VAMP5: variants seen among roughly 807,000 people sequenced by gnomAD.
VAMP5 encodes vesicle associated membrane protein 5.
Under a neutral mutation model 8.1 loss-of-function variants are expected in VAMP5, and 10 were observed. That is an observed-to-expected ratio of 1.23 (90% CI 0.76 to 2.09). The LOEUF (loss-of-function observed/expected upper bound fraction) is 2.09. Ranked by LOEUF, VAMP5 falls within the 30% of genes most tolerant of loss-of-function variation. The pLI is 0.00. For synonymous variants in VAMP5, 62 were observed against 60.6 expected (o/e 1.02, Z -0.11); for missense variants, 135 against 152.5 (o/e 0.89, Z 0.60).
At chr2:85,592,816 A>AAAAAAAAAAAAAAAAT in intron 2 of VAMP5, 132 bp from the exon 3 acceptor site, 1 of 810,776 alleles carries the variant, frequency 1.2e-6, no homozygotes, top group Non-Finnish European at 1.9e-6. Context: ...AAAAAAAAAA[A>AAAAAAAAAAAAAAAAT]GAAAGAAAGT....
chr2:85,591,978 T>C (rs1482983777), intron 2 of VAMP5, 116 bp downstream of exon 2: 1 of 1,459,068 alleles, frequency 6.9e-7, no homozygotes, highest in Non-Finnish European at 9.3e-7. Context: ...AGGGCCAGTG[T>C]GGGGCCTCTG....
intron 1 of VAMP5, among the ~76,000 whole-genome samples, chr2:85,588,913 C>T (rs1254349183): frequency 1.3e-5 from 2 of 152,132 alleles, no homozygotes; most frequent in East Asian, 1.9e-4. Context: ...CTATCTGTAT[C>T]GCACAGTGTA....
At chr2:85,592,670 G>A (rs1399686423) in intron 2 of VAMP5, among the ~76,000 whole-genome samples, 1 of 151,980 alleles carries the variant, frequency 6.6e-6, no homozygotes, top group African/African-American at 2.4e-5. Flanking sequence ...GCGCAGTGGT[G>A]TGCACCTGTA....
chr2:85,587,474 A>G (rs774393448), intron 1 of VAMP5, among the ~76,000 whole-genome samples: 54 of 151,896 alleles, frequency 3.6e-4, no homozygotes, highest in Non-Finnish European at 6.8e-4. Flanking sequence ...GACTGGTCTC[A>G]GACTCCTGAC....
In VAMP5 at chr2:85,593,157, A is replaced by C. The variant is rs1672574791; in HGVS notation, c.351A>C (p.Ter117CysextTer5). The C allele has an allele frequency of 6.2e-7, 1 of 1,614,102 alleles. No homozygotes were observed. Among genetic ancestry groups the C allele is most frequent in the Admixed American group, 1.7e-5 (1 of 60,018 alleles). The change falls in exon 3 of 3, where the codon TGA becomes TGC. Residue 117 changes from the stop codon to cysteine (C), a stop_lost. Transcript: ENST00000306384. Reference protein sequence around the residue: ...DAGIASGPGN* With the variant: ...DAGIASGPGNC ...GCATTGCCTCAGGGCCTGGGAACTGACCCAGCTGGTCCTGAAGGAGAAGCC... is the reference window on the plus strand; with the variant it reads ...GCATTGCCTCAGGGCCTGGGAACTGCCCCAGCTGGTCCTGAAGGAGAAGCC...
intron 2 of VAMP5, 101 bp downstream of exon 2, chr2:85,591,963 T>C: frequency 1.9e-6 from 3 of 1,540,838 alleles, no homozygotes; most frequent in Non-Finnish European, 2.6e-6. Context: ...GTTGAGGCCT[T>C]CTTGAGGGCC....
At chr2:85,585,114 A>C (rs1672445675) in intron 1 of VAMP5, among the ~76,000 whole-genome samples, 2 of 152,242 alleles carry the variant, frequency 1.3e-5, no homozygotes, top group South Asian at 4.1e-4. Context: ...CTAGAGAAAG[A>C]GAAAGGGAGA....
intron 1 of VAMP5, among the ~76,000 whole-genome samples, chr2:85,591,063 C>A (rs1672531969): frequency 6.6e-6 from 1 of 152,098 alleles, no homozygotes; most frequent in African/African-American, 2.4e-5. Context: ...GGCTGGAGGC[C>A]AAAAACCGGT....
chr2:85,592,813 A>AAAAAAAAAAAAAAAAAAG, intron 2 of VAMP5, 135 bp from the exon 3 acceptor site: 1 of 832,176 alleles, frequency 1.2e-6, no homozygotes, highest in Non-Finnish European at 1.9e-6. Context: ...AAAAAAAAAA[A>AAAAAAAAAAAAAAAAAAG]AAAGAAAGAA....
At chr2:85,590,311 C>G (rs1672520985) in intron 1 of VAMP5, among the ~76,000 whole-genome samples, 1 of 152,184 alleles carries the variant, frequency 6.6e-6, no homozygotes, top group African/African-American at 2.4e-5. Flanking sequence ...TTTGGTTAGG[C>G]TGTATCGTAA....
intron 1 of VAMP5, among the ~76,000 whole-genome samples, chr2:85,587,410 C>T (rs542959586): frequency 6.6e-6 from 1 of 151,934 alleles, no homozygotes; most frequent in South Asian, 2.1e-4. Flanking sequence ...CCCGCCACCA[C>T]GCCTGGCTAA....
chr2:85,592,994 G>C lies in VAMP5; in HGVS notation c.188G>C (p.Cys63Ser), dbSNP rs763163052. The C allele has an allele frequency of 6.2e-7, 1 of 1,614,136 alleles. No individual in the cohort carries two copies. The highest frequency in any genetic ancestry group is 8.5e-7 in the Non-Finnish European group (1 of 1,180,028). ...ACACAGAACCTGGCCCAGAAGAAGT[G>C]CTGGGAGAACATCCGTTACCGGATC... ...KTTQNLAQKK[C>S]WENIRYRICV... Residue 63 changes from cysteine to serine, a missense_variant, in exon 3 of 3, where the codon TGC becomes TCC. Physicochemically the swap from Cys to Ser is moderately radical, Grantham distance 112. Coordinates refer to ENST00000306384, the MANE Select transcript of VAMP5 (RefSeq NM_006634.3).
chr2:85,592,442 G>A (rs1215407097), intron 2 of VAMP5, among the ~76,000 whole-genome samples: 4 of 152,182 alleles, frequency 2.6e-5, no homozygotes, highest in African/African-American at 9.7e-5. Context: ...AGGGCTGAAA[G>A]TCAAGGGCCA....
Position 85,593,249 on chromosome 2 carries a change from C to T in VAMP5, c.*92C>T. The T allele has an allele frequency of 7.3e-7, 1 of 1,376,296 alleles. No homozygotes were observed. Among genetic ancestry groups the T allele is most frequent in the Admixed American group, 1.9e-5 (1 of 52,302 alleles). 85.3% of individuals were successfully genotyped at this position (1,376,296 alleles called of 1,614,324 possible). On this transcript the variant is annotated 3_prime_UTR_variant, in exon 3 of 3. Transcript: ENST00000306384. ...GTGTTTGCTCTCCCTTGACCCACCC[C>T]AGTGAGTGCCAAAGGGCAGCCCCAA...
chr2:85,593,073 G>C lies in VAMP5; in HGVS notation c.267G>C (p.Leu89=). 1 of 1,614,196 alleles carries C rather than the reference G, an allele frequency of 6.2e-7. No individual in the cohort carries two copies. The highest frequency in any genetic ancestry group is 8.5e-7 in the Non-Finnish European group (1 of 1,180,028). The stretch of plus-strand genomic sequence containing the variant: ...TGCTCATCATCCTGATTGTGCTGCT[G>C]GTCGTCTTTCTCCCTCAGAGCAGTG... The part of the protein sequence containing the change: ...GVLLIILIVL[L]VVFLPQSSDS... Residue 89 remains leucine (L), a synonymous_variant, in exon 3 of 3, where the codon CTG becomes CTC. Coordinates refer to ENST00000306384, the MANE Select transcript of VAMP5 (RefSeq NM_006634.3).
At position 85,593,156 on chromosome 2, in the gene VAMP5, G is replaced by A. The variant is rs150584141; in HGVS notation, c.350G>A (p.Ter117=). Reference sequence around the variant, plus strand: ...GGCATTGCCTCAGGGCCTGGGAACTGACCCAGCTGGTCCTGAAGGAGAAGC... The same window carrying A: ...GGCATTGCCTCAGGGCCTGGGAACTAACCCAGCTGGTCCTGAAGGAGAAGC... ...DAGIASGPGN[*] Residue 117 remains the stop codon, a stop_retained_variant, in exon 3 of 3, where the codon TGA becomes TAA. Transcript: ENST00000306384. 1.9e-4 allele frequency: 300 copies of A among 1,614,070 alleles called. 3 individuals are homozygous for A. In the Middle Eastern group the frequency reaches 8.0e-3, roughly 43 times the overall value.
At chr2:85,586,330 A>T (rs533255372) in intron 1 of VAMP5, among the ~76,000 whole-genome samples, 5 of 152,282 alleles carry the variant, frequency 3.3e-5, no homozygotes, top group African/African-American at 1.2e-4. Context: ...TAATCCCAGC[A>T]CTTTGGGAGG....
At chr2:85,591,973 C>A in intron 2 of VAMP5, 111 bp downstream of exon 2, 1 of 1,506,656 alleles carries the variant, frequency 6.6e-7, no homozygotes, top group Non-Finnish European at 9.0e-7. Flanking sequence ...TCTTGAGGGC[C>A]AGTGTGGGGC....
chr2:85,587,581 T>TAA (rs577522694), intron 1 of VAMP5, among the ~76,000 whole-genome samples: 3 of 137,902 alleles, frequency 2.2e-5, no homozygotes, highest in African/African-American at 2.7e-5. Flanking sequence ...ATCTGACTGC[T>TAA]AAAAAAAAAA....
Sources: allele counts gnomAD v4.1 joint callset (sites outside exome capture counted in the v4.1 genomes callset), GRCh38; gene constraint gnomAD v4.1.1; transcripts MANE v1.5; gene names NCBI Gene and HGNC (gene_info 2026-07-23, HGNC 2026-07-21).